The following SLIT2 variants were observed in gnomAD, a reference collection of about 807,000 sequenced individuals.
SLIT2 encodes the protein slit homolog 2 protein.
SLIT2 carries 41 observed loss-of-function variants against 185.7 expected under a neutral mutation model. The ratio of observed to expected loss-of-function variants is 0.22; its 90% CI spans 0.17 to 0.29. The LOEUF (loss-of-function observed/expected upper bound fraction) is 0.29, where lower values mean the gene tolerates loss of function less well. SLIT2 is among the 10% of genes least tolerant of loss of function. The pLI, the probability that SLIT2 is intolerant of heterozygous loss-of-function variation, is 1.00. For synonymous variants in SLIT2, 693 were observed against 680.2 expected, an observed-to-expected ratio of 1.02 and a Z score of -0.29; for missense variants, 1,571 against 1,909.0, an observed-to-expected ratio of 0.82 and a Z score of 3.30.
intron 8 of SLIT2, chr4:20,490,921 C>A: frequency 7.3e-6 from 6 of 824,564 alleles, no homozygotes; most frequent in Non-Finnish European, 9.9e-6. Flanking sequence ...GGCACGTCAC[C>A]ACCACTAGGG....
intron 4 of SLIT2, among the ~76,000 whole-genome samples, chr4:20,461,632 G>A (rs28680221): frequency 0.15 from 22,182 of 152,078 alleles, 1,666 homozygotes; most frequent in African/African-American, 0.16. Flanking sequence ...TAGACGTGCA[G>A]GTAGGTCAGA....
At chr4:20,415,887 T>G (rs1727633844) in intron 4 of SLIT2, among the ~76,000 whole-genome samples, 1 of 152,230 alleles carries the variant, frequency 6.6e-6, no homozygotes, top group Non-Finnish European at 1.5e-5. Flanking sequence ...TGTTCCAGAC[T>G]GGTAGATTAT....
chr4:20,506,717 A>G (rs1719242403), intron 9 of SLIT2, among the ~76,000 whole-genome samples: 1 of 152,012 alleles, frequency 6.6e-6, no homozygotes, highest in Non-Finnish European at 1.5e-5. Flanking sequence ...CAATAAGTAC[A>G]CATTAGTTTA....
At chr4:20,495,299 AAGTC>A (rs1412290263) in intron 9 of SLIT2, among the ~76,000 whole-genome samples, 1 of 152,320 alleles carries the variant, frequency 6.6e-6, no homozygotes, top group East Asian at 1.9e-4. Context: ...CATCATTAGA[AAGTC>A]AGAATGAGTT....
At chr4:20,517,168 CTT>C (rs1484647997) in intron 11 of SLIT2, among the ~76,000 whole-genome samples, 1 of 152,184 alleles carries the variant, frequency 6.6e-6, no homozygotes, top group African/African-American at 2.4e-5. Context: ...ATATCAGACT[CTT>C]TGACTATTCA....
intron 15 of SLIT2, among the ~76,000 whole-genome samples, chr4:20,527,276 T>A (rs1721379940): frequency 6.6e-6 from 1 of 152,144 alleles, no homozygotes; most frequent in Admixed American, 6.5e-5. Flanking sequence ...AGAAAATCTG[T>A]CTTGCAGAGA....
chr4:20,352,437 A>G (rs1721961755), intron 4 of SLIT2, among the ~76,000 whole-genome samples: 1 of 152,160 alleles, frequency 6.6e-6, no homozygotes, highest in South Asian at 2.1e-4. Context: ...AGAGTAGAGG[A>G]GTTTGTTAAT....
At chr4:20,457,619 A>C (rs1337156069) in intron 4 of SLIT2, among the ~76,000 whole-genome samples, 3 of 152,104 alleles carry the variant, frequency 2.0e-5, no homozygotes, top group Non-Finnish European at 4.4e-5. Flanking sequence ...AAAACTTTCT[A>C]TATTTTCTTA....
intron 5 of SLIT2, among the ~76,000 whole-genome samples, chr4:20,468,734 C>A (rs1243498089): frequency 2.6e-5 from 4 of 152,042 alleles, no homozygotes; most frequent in Non-Finnish European, 5.9e-5. Context: ...AGAAAAGCCC[C>A]TGTATGCTGA....
chr4:20,613,794 C>G (rs1291672984), intron 34 of SLIT2, among the ~76,000 whole-genome samples: 1 of 152,192 alleles, frequency 6.6e-6, no homozygotes, highest in East Asian at 1.9e-4. Flanking sequence ...GAGGCAGCCC[C>G]TTGGTGAGTA....
At chr4:20,354,684 C>G (rs1004608779) in intron 4 of SLIT2, among the ~76,000 whole-genome samples, 2 of 151,972 alleles carry the variant, frequency 1.3e-5, no homozygotes, top group African/African-American at 4.8e-5. Flanking sequence ...TGTCTTTACT[C>G]TTTATTAAGT....
chr4:20,401,203 C>G (rs902549176), intron 4 of SLIT2, among the ~76,000 whole-genome samples: 1 of 151,822 alleles, frequency 6.6e-6, no homozygotes, highest in Non-Finnish European at 1.5e-5. Context: ...GAATGATTTT[C>G]CCATCTCATC....
At chr4:20,272,830 AC>A (rs149539781) in intron 4 of SLIT2, among the ~76,000 whole-genome samples, 2,219 of 152,204 alleles carry the variant, frequency 0.015, 60 homozygotes, top group African/African-American at 0.051. Flanking sequence ...TTGAATGAAA[AC>A]TTTTTACTTC....
intron 29 of SLIT2, among the ~76,000 whole-genome samples, chr4:20,588,152 A>G (rs904506216): frequency 2.6e-5 from 4 of 152,330 alleles, no homozygotes; most frequent in African/African-American, 9.6e-5. Flanking sequence ...AAAATAGTTC[A>G]TCATGCATAT....
At position 20,374,559 on chromosome 4, in the gene SLIT2, C is replaced by G. The variant is rs74334679; in HGVS notation, c.396-93193C>G. 3.0e-4 allele frequency among the ~76,000 whole-genome samples: 46 copies of G among 152,178 alleles called. 1 individual carries two copies. The East Asian group carries it at 8.9e-3, about 29-fold the overall frequency. On this transcript the variant is annotated intron_variant, in intron 4 of 36. Coordinates refer to ENST00000504154, the MANE Select transcript of SLIT2 (RefSeq NM_004787.4). ...TCTATCTGATAAGTTGAGTCTTTTG[C>G]TAATTGTGATCTCATAGCCTACTCC...
intron 26 of SLIT2, among the ~76,000 whole-genome samples, chr4:20,557,411 T>C (rs1332837023): frequency 6.6e-6 from 1 of 151,938 alleles, no homozygotes; most frequent in Non-Finnish European, 1.5e-5. Context: ...ATAATTACGG[T>C]AAATCTACTC....
intron 4 of SLIT2, among the ~76,000 whole-genome samples, chr4:20,421,189 A>T (rs1277775948): frequency 6.6e-6 from 1 of 152,136 alleles, no homozygotes; most frequent in East Asian, 1.9e-4. Flanking sequence ...TTGGTGAAGG[A>T]TGAGGGATGT....
In SLIT2 at chr4:20,253,597, G is replaced by T; in HGVS notation, c.-219G>T. On this transcript the variant is annotated 5_prime_UTR_variant, in exon 1 of 37. Transcript: ENST00000504154. ...TCCTCAGGACCTAAAGTTGCCCAAG[G>T]AGCTCCTGCTCTGCCAGAGGAGGGT... is the stretch of plus-strand genomic sequence containing the variant. The T allele has an allele frequency of 1.7e-6, 1 of 596,452 alleles. No individual in the cohort carries two copies. The highest frequency in any genetic ancestry group is 2.0e-5 in the South Asian group (1 of 49,002). The allele number at this position is 596,452 out of a possible 1,614,324, so 36.9% of individuals were successfully genotyped here.
intron 4 of SLIT2, among the ~76,000 whole-genome samples, chr4:20,352,307 TTA>T (rs1491121500): frequency 1.3e-5 from 2 of 152,070 alleles, no homozygotes. Context: ...ACCTTTTTTT[TTA>T]TTATAACAGA....
Sources: allele counts gnomAD v4.1 joint callset (sites outside exome capture counted in the v4.1 genomes callset), GRCh38; gene constraint gnomAD v4.1.1; transcripts MANE v1.5; gene names NCBI Gene and HGNC (gene_info 2026-07-23, HGNC 2026-07-21).